Variants in TBCCD1 observed in about 807,000 individuals in gnomAD.
The protein encoded by TBCCD1 is TBCC domain containing 1, also known as TBCC domain-containing protein 1.
TBCCD1 carries 26 observed loss-of-function variants against 53.4 expected under a neutral mutation model. That is an observed-to-expected ratio of 0.49 (90% confidence interval 0.36 to 0.68). The LOEUF (loss-of-function observed/expected upper bound fraction) is 0.68, where lower values mean the gene tolerates loss of function less well. TBCCD1 is among the 30% of genes least tolerant of loss of function. TBCCD1 has a pLI of 0.00. For missense variants in TBCCD1, 558 were observed against 669.5 expected (o/e 0.83, Z 1.84); for synonymous variants, 245 against 241.7 (o/e 1.01, Z -0.13).
chr3:186,554,213 T>G (rs768916405), intron 6 of TBCCD1, 41 bp downstream of exon 6: 4 of 1,600,090 alleles, frequency 2.5e-6, no homozygotes, highest in Non-Finnish European at 3.4e-6. Context: ...TCCATGGAGT[T>G]TCACAAAAAA....
Position 186,554,889 on chromosome 3 carries a change from T to C in TBCCD1, c.1046+9A>G. The C allele has an allele frequency of 3.1e-6, 5 of 1,612,602 alleles. No homozygotes were observed. Among genetic ancestry groups the C allele is most frequent in the Non-Finnish European group, 4.2e-6 (5 of 1,179,470 alleles). Reference sequence around the variant, plus strand: ...CAGAACATCAGAACACCATGAAAACTGTGCTTACCGTAAGGGAGAGAGCAG... The same window carrying C: ...CAGAACATCAGAACACCATGAAAACCGTGCTTACCGTAAGGGAGAGAGCAG... On this transcript the variant is annotated intron_variant, in intron 5 of 7. Transcript: ENST00000338733.
upstream of TBCCD1, among the ~76,000 whole-genome samples, chr3:186,569,130 G>A (rs1489602476): frequency 6.6e-6 from 1 of 151,816 alleles, no homozygotes; most frequent in African/African-American, 2.4e-5. Context: ...GAATGAGCTC[G>A]GTGTATACAA....
chr3:186,552,837 T>C (rs1164219040), intron 6 of TBCCD1, among the ~76,000 whole-genome samples: 1 of 152,176 alleles, frequency 6.6e-6, no homozygotes, highest in Non-Finnish European at 1.5e-5. Flanking sequence ...GTTCTATAGA[T>C]GTGTTCCTGG....
Position 186,551,213 on chromosome 3 carries a change from T to G in TBCCD1, c.1611A>C (p.Gly537=). Residue 537 remains glycine (G), a synonymous_variant, in exon 7 of 8, where the codon GGA becomes GGC. Coordinates refer to ENST00000338733, the MANE Select transcript of TBCCD1 (RefSeq NM_018138.5). ...NKFYEWLINT[G]HRQQLDSLVP... is the part of the protein sequence containing the mutation. The stretch of plus-strand genomic sequence containing the variant: ...CAAGGCTGTCCAGCTGTTGGCGATG[T>G]CCTGTATTAATCAACCATTCATAAA... 1 of 1,613,286 alleles carries G rather than the reference T, an allele frequency of 6.2e-7. No homozygotes were observed. The highest frequency in any genetic ancestry group is 1.1e-5 in the South Asian group (1 of 91,040).
At chr3:186,558,657 C>A in intron 2 of TBCCD1, 85 bp from the exon 3 acceptor site, 2 of 1,460,308 alleles carry the variant, frequency 1.4e-6, no homozygotes, top group Non-Finnish European at 1.8e-6. Context: ...AGTAAATTCA[C>A]AAGTTGGCTG....
At chr3:186,561,981 C>T (rs982715288) in intron 2 of TBCCD1, among the ~76,000 whole-genome samples, 3 of 152,188 alleles carry the variant, frequency 2.0e-5, no homozygotes, top group Admixed American at 1.3e-4. Flanking sequence ...TAAATGTCCA[C>T]AGATGGATGA....
chr3:186,553,586 G>C (rs1430991852), intron 6 of TBCCD1: 1 of 152,200 alleles, frequency 6.6e-6, no homozygotes, highest in Non-Finnish European at 1.5e-5. Context: ...TAATTCCTCA[G>C]TTCTTCGGTT....
chr3:186,565,563 C>A (rs1714805182), intron 1 of TBCCD1, among the ~76,000 whole-genome samples: 1 of 152,102 alleles, frequency 6.6e-6, no homozygotes. Context: ...TTTTTAGACA[C>A]CTTACTAGGT....
chr3:186,554,245 A>T lies in TBCCD1; in HGVS notation c.1544+9T>A. The T allele has an allele frequency of 3.1e-6, 5 of 1,608,526 alleles. No individual in the cohort carries two copies. Among genetic ancestry groups the T allele is most frequent in the Non-Finnish European group, 4.2e-6 (5 of 1,178,814 alleles). On this transcript the variant is annotated intron_variant, in intron 6 of 7. Transcript: ENST00000338733. ...AAAACACAAACTGTTACTTGTAAAA[A>T]ATACTCACTTTGTCAAATGAGCCTC...
At chr3:186,567,090 G>A (rs924611126) in intron 1 of TBCCD1, among the ~76,000 whole-genome samples, 177 bp downstream of exon 1, 4 of 152,214 alleles carry the variant, frequency 2.6e-5, no homozygotes, top group Non-Finnish European at 5.9e-5. Flanking sequence ...GATCCGGGGT[G>A]GGACTCTGCG....
upstream of TBCCD1, among the ~76,000 whole-genome samples, chr3:186,568,916 A>G (rs1357688711): frequency 7.4e-6 from 1 of 135,698 alleles, no homozygotes; most frequent in East Asian, 2.1e-4. Context: ...AAAAAAAAAG[A>G]AATAAAGAAA....
intron 1 of TBCCD1, among the ~76,000 whole-genome samples, chr3:186,565,109 C>T (rs371518452): frequency 1.6e-5 from 2 of 124,746 alleles, no homozygotes; most frequent in African/African-American, 6.2e-5. Context: ...TCTTCTTCTT[C>T]TTTTTTTTTT....
intron 3 of TBCCD1, 122 bp from the exon 4 acceptor site, chr3:186,556,897 T>C: frequency 2.4e-6 from 3 of 1,226,854 alleles, no homozygotes; most frequent in Non-Finnish European, 1.1e-6. Flanking sequence ...TAGGTAGTTA[T>C]ATAAACCTTA....
intron 1 of TBCCD1, 47 bp from the exon 2 acceptor site, chr3:186,564,419 T>A: frequency 7.6e-7 from 1 of 1,313,220 alleles, no homozygotes; most frequent in Non-Finnish European, 1.0e-6. Context: ...CAAGTCTCAT[T>A]TATGCATTTT....
chr3:186,560,704 G>A (rs1395643440), intron 2 of TBCCD1, among the ~76,000 whole-genome samples: 1 of 152,156 alleles, frequency 6.6e-6, no homozygotes, highest in African/African-American at 2.4e-5. Context: ...CTCCTGAAAG[G>A]TGGTTTACCT....
At chr3:186,548,592 C>G (rs2108452105) in intron 7 of TBCCD1, among the ~76,000 whole-genome samples, 1 of 152,300 alleles carries the variant, frequency 6.6e-6, no homozygotes, top group African/African-American at 2.4e-5. Flanking sequence ...GACACCCAAT[C>G]TCATTCCTCA....
At chr3:186,563,550 A>G (rs191746450) in intron 2 of TBCCD1, among the ~76,000 whole-genome samples, 2 of 152,286 alleles carry the variant, frequency 1.3e-5, no homozygotes, top group Admixed American at 1.3e-4. Context: ...TCACCCCAAA[A>G]TCTTTTTAAA....
intron 1 of TBCCD1, 115 bp downstream of exon 1, chr3:186,567,152 G>C (rs1714856754): frequency 6.6e-6 from 1 of 152,324 alleles, no homozygotes; most frequent in African/African-American, 2.4e-5. Flanking sequence ...CGCTCACGCT[G>C]ACAGGGTCGG....
chr3:186,554,311 T>G lies in TBCCD1; in HGVS notation c.1487A>C (p.Gln496Pro), dbSNP rs756004080. 2.0e-5 allele frequency: 33 copies of G among 1,614,262 alleles called. No homozygotes were observed. Among genetic ancestry groups the G allele is most frequent in the Non-Finnish European group, 2.6e-5 (31 of 1,180,050 alleles). ...LPSVYQKALG[Q>P]REQKIQIWQK... ...CCAGATCTGTATCTTCTGTTCTCTT[T>G]GACCCAGTGCTTTCTGATATACAGA... Residue 496 changes from glutamine (Q) to proline (P), a missense_variant, in exon 6 of 8, where the codon CAA (glutamine) becomes CCA (proline). Physicochemically the swap from Gln to Pro is moderately conservative, Grantham distance 76 (BLOSUM62 -1). Coordinates refer to ENST00000338733, the MANE Select transcript of TBCCD1 (RefSeq NM_018138.5).
Sources: allele counts gnomAD v4.1 joint callset (sites outside exome capture counted in the v4.1 genomes callset), GRCh38; gene constraint gnomAD v4.1.1; transcripts MANE v1.5; gene names NCBI Gene and HGNC (gene_info 2026-07-23, HGNC 2026-07-21).